PTPN1: variants seen among roughly 807,000 people sequenced by gnomAD.
The protein encoded by PTPN1 is protein tyrosine phosphatase non-receptor type 1.
In PTPN1, 12 loss-of-function variants were observed where a neutral mutation model predicts 59.9. The observed-to-expected ratio is 0.20, with a 90% CI of 0.13 to 0.32. The LOEUF is 0.32. Among genes scored for constraint, PTPN1 ranks in the 10% least tolerant of loss-of-function variants. The probability of loss-of-function intolerance (pLI) is 1.00; values close to 1 mark genes in which losing one functional copy is unlikely to be tolerated. For synonymous variants in PTPN1, 178 were observed against 203.6 expected (o/e 0.87, Z 1.07); for missense variants, 356 against 549.2 (o/e 0.65, Z 3.52).
At chr20:50,535,421 T>G (rs2082620356) in intron 1 of PTPN1, among the ~76,000 whole-genome samples, 1 of 152,180 alleles carries the variant, frequency 6.6e-6, no homozygotes, top group African/African-American at 2.4e-5. Flanking sequence ...CGTGCCTCCC[T>G]CTTCCTACAC....
In PTPN1 at chr20:50,548,606, A is replaced by G. The variant is rs542862127; in HGVS notation, c.64-12757A>G. On this transcript the variant is annotated intron_variant, in intron 1 of 9. Coordinates refer to ENST00000371621, the MANE Select transcript of PTPN1 (RefSeq NM_002827.4). ...CCACACCCAGCTGATTTGTCTTACTATGTTGCCCAGGCTGGTCTTGAATTC... is the reference window on the plus strand; with the variant it reads ...CCACACCCAGCTGATTTGTCTTACTGTGTTGCCCAGGCTGGTCTTGAATTC... 2.6e-5 allele frequency among the ~76,000 whole-genome samples: 4 copies of G among 152,116 alleles called. No individual in the cohort carries two copies. In the South Asian group the frequency reaches 8.3e-4, roughly 32 times the overall value.
chr20:50,564,487 G>A (rs974408633), intron 2 of PTPN1, among the ~76,000 whole-genome samples: 2 of 152,072 alleles, frequency 1.3e-5, no homozygotes, highest in African/African-American at 4.8e-5. Context: ...CCAGCTACTC[G>A]GGAGGCTGAG....
intron 2 of PTPN1, among the ~76,000 whole-genome samples, chr20:50,562,268 G>T (rs567695354): frequency 1.7e-3 from 260 of 152,250 alleles, no homozygotes; most frequent in African/African-American, 6.1e-3. Context: ...TTCCTCCAGT[G>T]GGCACTTCCT....
At chr20:50,532,267 A>G (rs1286161791) in intron 1 of PTPN1, among the ~76,000 whole-genome samples, 2 of 152,230 alleles carry the variant, frequency 1.3e-5, no homozygotes, top group Non-Finnish European at 2.9e-5. Flanking sequence ...GGCTTTGGGT[A>G]AAAGCCATGG....
intron 4 of PTPN1, among the ~76,000 whole-genome samples, chr20:50,569,932 A>T (rs2082799561): frequency 6.6e-6 from 1 of 152,190 alleles, no homozygotes; most frequent in Non-Finnish European, 1.5e-5. Context: ...CCAGGAGGAG[A>T]TGGGCTGAGG....
intron 4 of PTPN1, chr20:50,571,471 A>C (rs2082808338): frequency 6.6e-6 from 1 of 152,262 alleles, no homozygotes; most frequent in Non-Finnish European, 1.5e-5. Context: ...AGAAATCATG[A>C]GAAGTTACAG....
At chr20:50,545,311 G>C (rs1179036628) in intron 1 of PTPN1, among the ~76,000 whole-genome samples, 3 of 152,050 alleles carry the variant, frequency 2.0e-5, no homozygotes, top group Non-Finnish European at 4.4e-5. Context: ...GCATGCCTTC[G>C]TAGTGGGGAA....
intron 1 of PTPN1, among the ~76,000 whole-genome samples, chr20:50,538,903 A>G (rs2082635771): frequency 2.0e-5 from 3 of 152,068 alleles, no homozygotes; most frequent in Admixed American, 1.3e-4. Context: ...ACTTTTCACA[A>G]ACTCGTCCTG....
At chr20:50,579,626 C>G (rs957052487) in intron 7 of PTPN1, 77 bp from the exon 8 acceptor site, 120 of 1,311,612 alleles carry the variant, frequency 9.1e-5, no homozygotes, top group Non-Finnish European at 1.3e-4. Flanking sequence ...GCCGTCACCT[C>G]TGCTCATGCA....
chr20:50,526,201 T>C (rs1311212497), intron 1 of PTPN1, among the ~76,000 whole-genome samples: 2 of 152,178 alleles, frequency 1.3e-5, no homozygotes, highest in Non-Finnish European at 2.9e-5. Flanking sequence ...GGGGAATTGC[T>C]TAATTGCTTG....
At chr20:50,580,195 GCCA>G (rs2082859716) in intron 8 of PTPN1, among the ~76,000 whole-genome samples, 1 of 152,088 alleles carries the variant, frequency 6.6e-6, no homozygotes, top group South Asian at 2.1e-4. Flanking sequence ...GGGGCTCGGA[GCCA>G]CCGAGTAGGG....
chr20:50,533,418 A>C (rs926730736), intron 1 of PTPN1, among the ~76,000 whole-genome samples: 1 of 152,044 alleles, frequency 6.6e-6, no homozygotes, highest in African/African-American at 2.4e-5. Context: ...CATCTCTGGG[A>C]GACATCACAT....
At chr20:50,547,844 A>G (rs2082682589) in intron 1 of PTPN1, among the ~76,000 whole-genome samples, 1 of 152,346 alleles carries the variant, frequency 6.6e-6, no homozygotes, top group East Asian at 1.9e-4. Context: ...CCACACACAT[A>G]TAAAGTGGCT....
intron 4 of PTPN1, among the ~76,000 whole-genome samples, chr20:50,570,543 C>T (rs1424501415): frequency 2.0e-5 from 3 of 152,178 alleles, no homozygotes; most frequent in Admixed American, 6.5e-5. Flanking sequence ...AGCAAACCCC[C>T]ACCCTTCACC....
intron 1 of PTPN1, among the ~76,000 whole-genome samples, chr20:50,529,176 G>A (rs1248262353): frequency 6.6e-6 from 1 of 152,180 alleles, no homozygotes; most frequent in Non-Finnish European, 1.5e-5. Flanking sequence ...ACTCTGGAGA[G>A]GTAGTTTCCC....
intron 1 of PTPN1, 131 bp from the exon 2 acceptor site, chr20:50,561,232 T>C (rs748795961): frequency 2.2e-5 from 15 of 672,192 alleles, no homozygotes; most frequent in Non-Finnish European, 3.2e-5. Flanking sequence ...TTTTCCCCCA[T>C]GGCCTGGTAC....
intron 1 of PTPN1, among the ~76,000 whole-genome samples, chr20:50,519,260 T>C (rs2122721672): frequency 6.6e-6 from 1 of 152,332 alleles, no homozygotes; most frequent in East Asian, 1.9e-4. Flanking sequence ...TTGAAGTTTC[T>C]CCAAAAAATT....
intron 1 of PTPN1, among the ~76,000 whole-genome samples, chr20:50,558,644 T>C (rs189380742): frequency 2.0e-5 from 3 of 152,338 alleles, no homozygotes; most frequent in East Asian, 3.9e-4. Flanking sequence ...CTTGAGACTT[T>C]CTTTGCTTTT....
intron 1 of PTPN1, among the ~76,000 whole-genome samples, chr20:50,545,245 T>C (rs574982562): frequency 2.8e-4 from 43 of 152,312 alleles, no homozygotes; most frequent in African/African-American, 9.4e-4. Context: ...CATCAGCCAC[T>C]GCACCTGGCC....
Sources: gnomAD v4.1 joint callset for allele counts (sites outside exome capture counted in the v4.1 genomes callset) on GRCh38, gnomAD v4.1.1 for gene constraint, MANE v1.5 for transcripts, NCBI Gene and HGNC (gene_info 2026-07-23, HGNC 2026-07-21) for gene names.